The following RNF151 variants were observed in gnomAD, a reference collection of about 807,000 sequenced individuals.
The protein encoded by RNF151 is ring finger protein 151.
In RNF151, 9 loss-of-function variants were observed where a neutral mutation model predicts 11.1. The ratio of observed to expected loss-of-function variants is 0.81; its 90% CI spans 0.49 to 1.42. The LOEUF (loss-of-function observed/expected upper bound fraction) is 1.42, where lower values mean the gene tolerates loss of function less well. Ranked by LOEUF, RNF151 falls within the 40% of genes most tolerant of loss-of-function variation. The pLI, the probability that RNF151 is intolerant of heterozygous loss-of-function variation, is 0.00. For missense variants in RNF151, 372 were observed against 342.9 expected, an observed-to-expected ratio of 1.08 and a Z score of -0.67; for synonymous variants, 172 against 140.7, an observed-to-expected ratio of 1.22 and a Z score of -1.58.
At chr16:1,966,974 C>A in intron 1 of RNF151, 90 bp downstream of exon 1, 1 of 1,429,308 alleles carries the variant, frequency 7.0e-7, no homozygotes, top group Non-Finnish European at 9.5e-7. Context: ...CCCCACTCCA[C>A]TCGGAAAGGG....
chr16:1,966,905 C>A lies in RNF151; in HGVS notation c.3+21C>A, dbSNP rs147706859. On this transcript the variant is annotated intron_variant, in intron 1 of 3. Transcript: ENST00000569714. ...TCATGGTGAGCCTGGGGCCCTCTTG[C>A]TTCCAGCCCTGAGATGTGTGCCCAA... The A allele has an allele frequency of 1.3e-3, 2,056 of 1,573,200 alleles. 25 individuals are homozygous for A. In the East Asian group the frequency reaches 0.019, roughly 14 times the overall value.
rs114840677 is a variant in RNF151, at chr16:1,968,553, G to T, written c.366G>T (p.Val122=). ...ACPNEGCTSQ[V]PRGTLAEHRQ... ...CCAACGAGGGCTGCACCTCGCAGGTGCCGCGTGGGACCCTGGCAGAGCACC... is the reference window on the plus strand; with the variant it reads ...CCAACGAGGGCTGCACCTCGCAGGTTCCGCGTGGGACCCTGGCAGAGCACC... Residue 122 remains valine, a synonymous_variant, in exon 4 of 4, where the codon GTG becomes GTT. Transcript: ENST00000569714. 46,306 of 1,608,738 alleles carry T rather than the reference G, an allele frequency of 0.029. 873 individuals are homozygous for T. Among genetic ancestry groups the T allele is most frequent in the African/African-American group, 0.083 (6,214 of 74,882 alleles).
chr16:1,966,909 C>T (rs533005048), intron 1 of RNF151, 25 bp downstream of exon 1: 3 of 1,570,548 alleles, frequency 1.9e-6, no homozygotes, highest in Non-Finnish European at 2.6e-6. Context: ...CTCTTGCTTC[C>T]AGCCCTGAGA....
Position 1,968,845 on chromosome 16 carries a change from G to A in RNF151, c.658G>A (p.Glu220Lys), listed in dbSNP as rs950574074. 2 of 1,595,546 alleles carry A rather than the reference G, an allele frequency of 1.3e-6. No homozygotes were observed. Among genetic ancestry groups the A allele is most frequent in the African/African-American group, 1.3e-5 (1 of 74,472 alleles). Residue 220 changes from glutamate to lysine, a missense_variant, in exon 4 of 4, where the codon GAG becomes AAG. Coordinates refer to ENST00000569714, the MANE Select transcript of RNF151 (RefSeq NM_174903.6). ...DTALLEGAPQ[E>K]EAEAAPEGNV... ...CGCTCTGCTGGAGGGTGCCCCACAGGAGGAGGCCGAGGCTGCCCCAGAAGG... is the reference window on the plus strand; with the variant it reads ...CGCTCTGCTGGAGGGTGCCCCACAGAAGGAGGCCGAGGCTGCCCCAGAAGG...
intron 3 of RNF151, 104 bp from the exon 4 acceptor site, chr16:1,968,330 T>G: frequency 7.2e-7 from 1 of 1,383,102 alleles, no homozygotes; most frequent in Non-Finnish European, 9.5e-7. Context: ...CAGAAAAGCG[T>G]GGGAGGCTCC....
In RNF151 at chr16:1,967,657, C is replaced by G. The variant is rs572617111; in HGVS notation, c.150-68C>G. 224 of 1,317,056 alleles carry G rather than the reference C, an allele frequency of 1.7e-4. 3 individuals carry two copies. The East Asian group carries it at 5.4e-3, about 32-fold the overall frequency. 81.6% of individuals were successfully genotyped at this position (1,317,056 alleles called of 1,614,324 possible). A position where few individuals can be genotyped will look rare whatever the true frequency, so the allele number is the denominator to read the frequency against. ...CTAATGAAGGGACCACCTGGGTCAC[C>G]GAGTGAGGGCTTGACCAGGGCTCCC... On this transcript the variant is annotated intron_variant, in intron 2 of 3. Transcript: ENST00000569714.
chr16:1,968,439 G>C lies in RNF151; in HGVS notation c.252G>C (p.Lys84Asn), dbSNP rs373736142. Residue 84 changes from lysine to asparagine, a missense_variant, in exon 4 of 4, where the codon AAG becomes AAC. Transcript: ENST00000569714. Reference sequence around the variant, plus strand: ...ACGTTCTCCTTCACCCTCAGTGCAAGAACGCCGACGCTGGCTGCATAGTGA... The same window carrying C: ...ACGTTCTCCTTCACCCTCAGTGCAACAACGCCGACGCTGGCTGCATAGTGA... Reference protein sequence around the residue: ...KTIGRLEVKCKNADAGCIVTC... With the variant: ...KTIGRLEVKCNNADAGCIVTC... The C allele has an allele frequency of 1.3e-6, 2 of 1,553,162 alleles. No individual in the cohort carries two copies. The highest frequency in any genetic ancestry group is 2.7e-5 in the African/African-American group (2 of 73,336).
intron 1 of RNF151, 135 bp downstream of exon 1, chr16:1,967,019 G>A: frequency 3.4e-6 from 4 of 1,163,778 alleles, no homozygotes; most frequent in Non-Finnish European, 4.9e-6. Flanking sequence ...TATGGTACAA[G>A]GAAACCTTCT....
chr16:1,967,188 A>T, intron 1 of RNF151, 86 bp from the exon 2 acceptor site: 1 of 1,512,458 alleles, frequency 6.6e-7, no homozygotes, highest in Non-Finnish European at 8.9e-7. Flanking sequence ...CCTCCCTGCC[A>T]AAAGCTTGCT....
Position 1,968,433 on chromosome 16 carries a change from G to A in RNF151, c.247-1G>A, listed in dbSNP as rs747287660. 2.6e-6 allele frequency: 4 copies of A among 1,548,630 alleles called. No individual in the cohort carries two copies. Among genetic ancestry groups the A allele is most frequent in the Non-Finnish European group, 3.5e-6 (4 of 1,142,666 alleles). ...CTTCACACGTTCTCCTTCACCCTCAGTGCAAGAACGCCGACGCTGGCTGCA... is the reference window on the plus strand; with the variant it reads ...CTTCACACGTTCTCCTTCACCCTCAATGCAAGAACGCCGACGCTGGCTGCA... On this transcript the variant is annotated splice_acceptor_variant, in intron 3 of 3. Transcript: ENST00000569714. LOFTEE classifies it high-confidence loss of function.
chr16:1,968,634 C>T lies in RNF151; in HGVS notation c.447C>T (p.Thr149=), dbSNP rs749756130. Residue 149 remains threonine (T), a synonymous_variant, in exon 4 of 4, where the codon ACC becomes ACT. Transcript: ENST00000569714. The part of the protein sequence containing the change: ...QQRCPLGCGA[T]LDPAERARHN... Reference sequence around the variant, plus strand: ...GCTGCCCCCTGGGCTGCGGGGCCACCCTGGACCCGGCCGAGCGTGCTCGCC... The same window carrying T: ...GCTGCCCCCTGGGCTGCGGGGCCACTCTGGACCCGGCCGAGCGTGCTCGCC... 2 of 1,568,348 alleles carry T rather than the reference C, an allele frequency of 1.3e-6. No homozygotes were observed. Among genetic ancestry groups the T allele is most frequent in the East Asian group, 4.8e-5 (2 of 41,772 alleles).
chr16:1,967,031 G>T, intron 1 of RNF151, 147 bp downstream of exon 1: 1 of 1,115,776 alleles, frequency 9.0e-7, no homozygotes, highest in Non-Finnish European at 1.3e-6. Context: ...AAACCTTCTG[G>T]AAGGCTCTGG....
intron 3 of RNF151, 76 bp from the exon 4 acceptor site, chr16:1,968,358 G>A: frequency 2.1e-6 from 3 of 1,439,714 alleles, no homozygotes; most frequent in South Asian, 1.5e-5. Context: ...CTGGTTCCTG[G>A]CGAATGGAAA....
At position 1,967,789 on chromosome 16, in the gene RNF151, C is replaced by G; in HGVS notation, c.214C>G (p.Leu72Val). Residue 72 changes from leucine (L) to valine (V), a missense_variant, in exon 3 of 4, where the codon CTC (leucine) becomes GTC (valine). Physicochemically the swap from Leu to Val is conservative, Grantham distance 32. Transcript: ENST00000569714. ...KRKKVVHMNK[L>V]RKTIGRLEVK... ...GAAAAAGGTTGTCCACATGAATAAA[C>G]TCCGGAAAACCATTGGCCGCCTGGA... 6.2e-7 allele frequency: 1 copy of G among 1,611,290 alleles called. No individual in the cohort carries two copies. Among genetic ancestry groups the G allele is most frequent in the Non-Finnish European group, 8.5e-7 (1 of 1,178,774 alleles).
Position 1,968,275 on chromosome 16 carries a change from G to C in RNF151, c.247-159G>C, listed in dbSNP as rs538919850. Among the ~76,000 whole-genome samples the C allele has an allele frequency of 4.6e-5, 7 of 152,244 alleles. No homozygotes were observed. In the South Asian group the frequency reaches 1.2e-3, roughly 27 times the overall value. On this transcript the variant is annotated intron_variant, in intron 3 of 3. Transcript: ENST00000569714. ...CCTGGAACTTCTAGCTTCTTCCCAC[G>C]TCTAGGCATTTGCCCCAGTGTTCTC...
Position 1,967,401 on chromosome 16 carries a change from T to C in RNF151, c.131T>C (p.Ile44Thr). Residue 44 changes from isoleucine to threonine, a missense_variant, in exon 2 of 4, where the codon ATC becomes ACC. By Grantham distance (89) the Ile-to-Thr change is moderately conservative. Coordinates refer to ENST00000569714, the MANE Select transcript of RNF151 (RefSeq NM_174903.6). ...AGCCACATCTTCTGCAAAAAGTGCA[T>C]CCTCCGGTGGCTAGCCAGGTGCCAG... ...PCSHIFCKKC[I>T]LRWLARQKTC... The C allele has an allele frequency of 6.2e-7, 1 of 1,613,430 alleles. No individual in the cohort carries two copies. The highest frequency in any genetic ancestry group is 1.7e-5 in the Admixed American group (1 of 59,984).
At position 1,968,468 on chromosome 16, in the gene RNF151, GC is replaced by G; in HGVS notation, c.286del (p.Leu96TrpfsTer15). ...GCCGACGCTGGCTGCATAGTGACAT[GC>G]CCCCTGGCCCATCGCAAGGGGCACC... ...KNADAGCIVT[C>X]PLAHRKGHQD... On this transcript the variant is annotated frameshift_variant, in exon 4 of 4. Transcript: ENST00000569714. LOFTEE classifies it low-confidence loss of function (END_TRUNC). The G allele has an allele frequency of 6.3e-7, 1 of 1,577,074 alleles. No individual in the cohort carries two copies. The highest frequency in any genetic ancestry group is 2.3e-5 in the East Asian group (1 of 43,464).
rs145720955 is a variant in RNF151 at position 1,968,402 on chromosome 16, C to G, written c.247-32C>G. Reference sequence around the variant, plus strand: ...TGGGGGATTCCGTGGGTGTCCTGCCCGGTTTCTTCACACGTTCTCCTTCAC... The same window carrying G: ...TGGGGGATTCCGTGGGTGTCCTGCCGGGTTTCTTCACACGTTCTCCTTCAC... On this transcript the variant is annotated intron_variant, in intron 3 of 3. Transcript: ENST00000569714. The G allele has an allele frequency of 5.4e-6, 8 of 1,494,612 alleles. No homozygotes were observed. In the African/African-American group the frequency reaches 1.1e-4, roughly 21 times the overall value. The allele number at this position is 1,494,612 out of a possible 1,614,324, so 92.6% of individuals were successfully genotyped here.
Position 1,968,494 on chromosome 16 carries a change from C to G in RNF151, c.307C>G (p.Gln103Glu), listed in dbSNP as rs991417913. The stretch of plus-strand genomic sequence containing the variant: ...CCCCCTGGCCCATCGCAAGGGGCAC[C>G]AGGACTCATGCCCCTTTGAGCTAAC... ...TCPLAHRKGH[Q>E]DSCPFELTAC... The change falls in exon 4 of 4, where the codon CAG (glutamine) becomes GAG (glutamate). Residue 103 changes from glutamine (Q) to glutamate (E), a missense_variant. Gln to Glu is a conservative substitution (Grantham distance 29). Transcript: ENST00000569714. The G allele has an allele frequency of 2.5e-6, 4 of 1,602,256 alleles. No homozygotes were observed. The highest frequency in any genetic ancestry group is 2.3e-5 in the East Asian group (1 of 44,324).
Sources: gnomAD v4.1 joint callset for allele counts (sites outside exome capture counted in the v4.1 genomes callset) on GRCh38, gnomAD v4.1.1 for gene constraint, MANE v1.5 for transcripts, NCBI Gene and HGNC (gene_info 2026-07-23, HGNC 2026-07-21) for gene names.